Variants in CNTN5 observed in about 807,000 individuals in gnomAD.
CNTN5 encodes the protein contactin-5.
CNTN5 carries 77 observed loss-of-function variants against 129.1 expected under a neutral mutation model. That is an observed-to-expected ratio of 0.60 (90% CI 0.50 to 0.72). The LOEUF (loss-of-function observed/expected upper bound fraction) is 0.72. Among genes scored for constraint, CNTN5 ranks in the 30% least tolerant of loss-of-function variants. CNTN5 has a pLI of 0.00. For synonymous variants in CNTN5, 509 were observed against 465.6 expected (o/e 1.09, Z -1.20); for missense variants, 1,478 against 1,328.8 (o/e 1.11, Z -1.75).
At chr11:99,636,536 G>A (rs1421032144) in intron 3 of CNTN5, among the ~76,000 whole-genome samples, 2 of 151,950 alleles carry the variant, frequency 1.3e-5, no homozygotes, top group East Asian at 3.9e-4. Flanking sequence ...TTGGGTTGAT[G>A]CTATCAGTGA....
chr11:99,487,112 A>C (rs564559877), intron 2 of CNTN5, among the ~76,000 whole-genome samples: 1 of 152,238 alleles, frequency 6.6e-6, no homozygotes, highest in Admixed American at 6.5e-5. Flanking sequence ...CCTAAGTTCT[A>C]CATAGGTTCT....
intron 1 of CNTN5, among the ~76,000 whole-genome samples, chr11:99,252,123 C>G (rs1862138333): frequency 6.6e-6 from 1 of 151,936 alleles, no homozygotes; most frequent in African/African-American, 2.4e-5. Flanking sequence ...TCACTTCTTA[C>G]TTTTGTTACC....
intron 1 of CNTN5, among the ~76,000 whole-genome samples, chr11:99,293,755 A>G (rs560307396): frequency 6.6e-6 from 1 of 151,996 alleles, no homozygotes; most frequent in Non-Finnish European, 1.5e-5. Flanking sequence ...TTCTGGTACC[A>G]GGTGTAATGT....
chr11:99,056,378 T>A (rs1301946006), intron 1 of CNTN5, among the ~76,000 whole-genome samples: 1 of 151,862 alleles, frequency 6.6e-6, no homozygotes, highest in Non-Finnish European at 1.5e-5. Context: ...ACACAGAACT[T>A]AGAACCATGC....
At chr11:99,938,126 G>T (rs956185274) in intron 7 of CNTN5, among the ~76,000 whole-genome samples, 1 of 152,122 alleles carries the variant, frequency 6.6e-6, no homozygotes, top group Non-Finnish European at 1.5e-5. Flanking sequence ...TAAAGGATTT[G>T]ATGGAGGAAA....
chr11:99,932,503 A>G (rs1376271852), intron 7 of CNTN5, among the ~76,000 whole-genome samples: 2 of 152,102 alleles, frequency 1.3e-5, no homozygotes, highest in African/African-American at 4.8e-5. Flanking sequence ...AACTTGTATC[A>G]TTTTTTAAAG....
At chr11:99,112,890 T>A (rs1464816458) in intron 1 of CNTN5, among the ~76,000 whole-genome samples, 3 of 152,088 alleles carry the variant, frequency 2.0e-5, no homozygotes, top group Non-Finnish European at 4.4e-5. Flanking sequence ...CCCCCTTTTT[T>A]TAAAAAAAAT....
chr11:99,248,514 G>T (rs1220698178), intron 1 of CNTN5, among the ~76,000 whole-genome samples: 2 of 152,114 alleles, frequency 1.3e-5, no homozygotes, highest in African/African-American at 4.8e-5. Flanking sequence ...TGCTTTTGGT[G>T]TTTTAGACAT....
rs571843976 is a variant in CNTN5 at position 100,049,050 on chromosome 11, C to T, written c.981-12162C>T. On this transcript the variant is annotated intron_variant, in intron 9 of 24. Coordinates refer to ENST00000524871, the MANE Select transcript of CNTN5 (RefSeq NM_014361.4). ...AAATAATTTGCTGCAGGAGAAAACA[C>T]CACAAGAAATGTTAAGGAAAATTAT... Among the ~76,000 whole-genome samples, 8 of 151,972 alleles carry T rather than the reference C, an allele frequency of 5.3e-5. 1 individual carries two copies. The highest frequency in any genetic ancestry group is 1.9e-4 in the African/African-American group (8 of 41,480).
chr11:100,037,147 A>G (rs894789251), intron 9 of CNTN5, among the ~76,000 whole-genome samples: 1 of 144,372 alleles, frequency 6.9e-6, no homozygotes, highest in Non-Finnish European at 1.5e-5. Context: ...CGTTCCATCA[A>G]TACCTAATTT....
intron 3 of CNTN5, among the ~76,000 whole-genome samples, chr11:99,773,723 T>TA (rs144121919): frequency 1.2e-3 from 188 of 152,188 alleles, no homozygotes; most frequent in African/African-American, 4.5e-3. Flanking sequence ...TGCGAACGTT[T>TA]AAAGTTGCTA....
At chr11:99,765,175 T>G (rs1295976345) in intron 3 of CNTN5, among the ~76,000 whole-genome samples, 1 of 152,042 alleles carries the variant, frequency 6.6e-6, no homozygotes, top group Non-Finnish European at 1.5e-5. Flanking sequence ...GTCCAGTTTC[T>G]CTATTAGAAA....
At chr11:99,536,640 G>A (rs1947909812) in intron 2 of CNTN5, among the ~76,000 whole-genome samples, 1 of 152,020 alleles carries the variant, frequency 6.6e-6, no homozygotes, top group Non-Finnish European at 1.5e-5. Context: ...ACCAAGTGAT[G>A]ATAACACTAA....
At chr11:100,087,749 G>A (rs1298348842) in intron 13 of CNTN5, among the ~76,000 whole-genome samples, 3 of 151,708 alleles carry the variant, frequency 2.0e-5, no homozygotes, top group Non-Finnish European at 4.4e-5. Flanking sequence ...TAAAAATTCT[G>A]GACTTAACTT....
chr11:99,234,685 T>A (rs1565425107), intron 1 of CNTN5, among the ~76,000 whole-genome samples: 4 of 152,102 alleles, frequency 2.6e-5, no homozygotes, highest in African/African-American at 9.6e-5. Context: ...TTATTTATTA[T>A]GTATTTCTAA....
chr11:100,333,408 GAAAAA>G (rs547220238), intron 21 of CNTN5, among the ~76,000 whole-genome samples: 54 of 74,292 alleles, frequency 7.3e-4, no homozygotes, highest in African/African-American at 2.4e-3. Flanking sequence ...CACTGAATTA[GAAAAA>G]AAAAAAAAAA....
At position 99,997,685 on chromosome 11, in the gene CNTN5, G is replaced by A. The variant is rs187573376; in HGVS notation, c.878-4349G>A. The stretch of plus-strand genomic sequence containing the variant: ...CCAGCATCATCCTGAGACCAAAGCC[G>A]GGCAGAGACACAACCAACAAAGACA... On this transcript the variant is annotated intron_variant, in intron 8 of 24. Coordinates refer to ENST00000524871, the MANE Select transcript of CNTN5 (RefSeq NM_014361.4). Among the ~76,000 whole-genome samples the A allele has an allele frequency of 8.6e-5, 13 of 151,960 alleles. 1 individual carries two copies. The highest frequency in any genetic ancestry group is 1.3e-4 in the Non-Finnish European group (9 of 67,962).
intron 3 of CNTN5, among the ~76,000 whole-genome samples, chr11:99,693,701 C>T (rs762507933): frequency 6.6e-6 from 1 of 151,940 alleles, no homozygotes; most frequent in African/African-American, 2.4e-5. Context: ...ATAGAAATAC[C>T]AATATGTCAG....
At chr11:99,986,472 C>T (rs971046854) in intron 8 of CNTN5, among the ~76,000 whole-genome samples, 1 of 152,138 alleles carries the variant, frequency 6.6e-6, no homozygotes, top group African/African-American at 2.4e-5. Flanking sequence ...ATAAACTGTT[C>T]TTGACAGTTT....
Sources: gnomAD v4.1 joint callset for allele counts (sites outside exome capture counted in the v4.1 genomes callset) on GRCh38, gnomAD v4.1.1 for gene constraint, MANE v1.5 for transcripts, NCBI Gene and HGNC (gene_info 2026-07-23, HGNC 2026-07-21) for gene names.